Variants in DACH2 observed in about 807,000 individuals in gnomAD.
DACH2 encodes dachshund homolog 2.
DACH2 carries 17 observed loss-of-function variants against 35.8 expected under a neutral mutation model. The ratio of observed to expected loss-of-function variants is 0.48; its 90% CI spans 0.33 to 0.71. DACH2 has a LOEUF of 0.71. Ranked by LOEUF, DACH2 falls within the 30% of genes least tolerant of loss-of-function variation. The probability of loss-of-function intolerance (pLI) is 0.02; values close to 1 mark genes in which losing one functional copy is unlikely to be tolerated. For missense variants in DACH2, 469 were observed against 472.7 expected (o/e 0.99, Z 0.07); for synonymous variants, 195 against 177.3 (o/e 1.10, Z -0.79).
chrX:86,345,661 AAAT>A (rs2035483910), intron 1 of DACH2, among the ~76,000 whole-genome samples: 1 of 112,178 alleles, frequency 8.9e-6, no homozygotes, highest in African/African-American at 3.2e-5. Context: ...ATTTTTTAGT[AAAT>A]ATAACGGACC....
intron 3 of DACH2, among the ~76,000 whole-genome samples, chrX:86,641,112 G>A (rs1199016179): frequency 8.9e-6 from 1 of 111,753 alleles, no homozygotes; most frequent in African/African-American, 3.3e-5. Flanking sequence ...AAACTGCCTG[G>A]AATAACAGAA....
intron 3 of DACH2, among the ~76,000 whole-genome samples, chrX:86,644,443 C>T (rs2040389611): frequency 9.2e-6 from 1 of 108,873 alleles, no homozygotes; most frequent in East Asian, 3.0e-4. Context: ...GATGGAAAAA[C>T]ATTCCTTGCC....
chrX:86,232,969 A>G (rs1466998814), intron 1 of DACH2, among the ~76,000 whole-genome samples: 1 of 112,421 alleles, frequency 8.9e-6, no homozygotes, highest in East Asian at 2.8e-4. Flanking sequence ...AGACTGGATA[A>G]AGAAAATGTA....
chrX:86,386,050 C>T (rs974367823), intron 2 of DACH2, among the ~76,000 whole-genome samples: 1 of 111,765 alleles, frequency 8.9e-6, no homozygotes, highest in Non-Finnish European at 1.9e-5. Flanking sequence ...TAAGTTTATA[C>T]TTTACTCATA....
At chrX:86,307,416 C>T (rs1409973420) in intron 1 of DACH2, among the ~76,000 whole-genome samples, 4 of 111,873 alleles carry the variant, frequency 3.6e-5, no homozygotes, top group African/African-American at 1.3e-4. Context: ...GGCCCTGCAA[C>T]TTGGAATGGG....
chrX:86,527,240 A>G (rs1340028021), intron 3 of DACH2, among the ~76,000 whole-genome samples: 1 of 111,820 alleles, frequency 8.9e-6, no homozygotes, highest in Non-Finnish European at 1.9e-5. Context: ...TAAATTGTAC[A>G]TAGAAAGTAC....
intron 1 of DACH2, among the ~76,000 whole-genome samples, chrX:86,324,604 C>T (rs2097475): frequency 2.6e-5 from 2 of 77,369 alleles, no homozygotes; most frequent in Non-Finnish European, 4.7e-5. Context: ...TTTGAGATGG[C>T]GTCTCACTCT....
intron 3 of DACH2, among the ~76,000 whole-genome samples, chrX:86,635,037 T>A (rs1455976955): frequency 9.1e-6 from 1 of 110,030 alleles, no homozygotes; most frequent in Non-Finnish European, 1.9e-5. Flanking sequence ...ATTATCCTGA[T>A]GCCAAAACCT....
At chrX:86,395,303 T>G (rs1230042737) in intron 2 of DACH2, among the ~76,000 whole-genome samples, 1 of 111,872 alleles carries the variant, frequency 8.9e-6, no homozygotes, top group Admixed American at 9.5e-5. Flanking sequence ...TTGTACATAA[T>G]TAATGAAGTT....
chrX:86,624,048 AAAAAAACAAAAC>A (rs1172348217), intron 3 of DACH2, among the ~76,000 whole-genome samples: 34 of 78,170 alleles, frequency 4.3e-4, no homozygotes, highest in Middle Eastern at 5.5e-3. Context: ...ACTCCGTCTC[AAAAAAACAAAAC>A]AAAAAAAAAA....
At chrX:86,601,333 G>A (rs2039786648) in intron 3 of DACH2, among the ~76,000 whole-genome samples, 1 of 111,729 alleles carries the variant, frequency 9.0e-6, no homozygotes, top group African/African-American at 3.2e-5. Flanking sequence ...TCTGTAGGAA[G>A]CTGTTAAATA....
At chrX:86,607,757 A>G (rs1390637760) in intron 3 of DACH2, among the ~76,000 whole-genome samples, 3 of 63,109 alleles carry the variant, frequency 4.8e-5, no homozygotes, top group African/African-American at 1.9e-4. Context: ...CCCCCACCCC[A>G]CAACAGTCCC....
intron 2 of DACH2, among the ~76,000 whole-genome samples, chrX:86,401,527 T>C (rs987143587): frequency 2.7e-5 from 3 of 111,750 alleles, no homozygotes; most frequent in Non-Finnish European, 3.8e-5. Flanking sequence ...GCTCCACCTA[T>C]ATATTATATT....
intron 2 of DACH2, among the ~76,000 whole-genome samples, chrX:86,399,283 A>G (rs1484612864): frequency 9.0e-6 from 1 of 111,407 alleles, no homozygotes; most frequent in Non-Finnish European, 1.9e-5. Context: ...GTCTCTGCAC[A>G]TGAGATGAGT....
At chrX:86,403,985 T>C (rs1218325502) in intron 2 of DACH2, among the ~76,000 whole-genome samples, 1 of 110,005 alleles carries the variant, frequency 9.1e-6, no homozygotes. Flanking sequence ...GGCAAAGTTT[T>C]TTTTTTTTTA....
chrX:86,760,964 G>A (rs768105227), intron 7 of DACH2, among the ~76,000 whole-genome samples: 7 of 111,456 alleles, frequency 6.3e-5, no homozygotes, highest in Non-Finnish European at 1.1e-4. Context: ...CAGTAGTGTA[G>A]TTTCTGTGTG....
chrX:86,313,659 G>T (rs2034842656), intron 1 of DACH2, among the ~76,000 whole-genome samples: 1 of 111,528 alleles, frequency 9.0e-6, no homozygotes, highest in Non-Finnish European at 1.9e-5. Context: ...TTAATACATG[G>T]GTCTTTACAC....
intron 1 of DACH2, among the ~76,000 whole-genome samples, chrX:86,181,107 C>A (rs190887785): frequency 0.033 from 3,619 of 110,413 alleles, 144 homozygotes; most frequent in African/African-American, 0.11. Flanking sequence ...ATTAAAAAAA[C>A]CCCTAAAGAA....
At chrX:86,502,766 G>A (rs555882225) in intron 2 of DACH2, among the ~76,000 whole-genome samples, 1 of 112,132 alleles carries the variant, frequency 8.9e-6, no homozygotes, top group Non-Finnish European at 1.9e-5. Flanking sequence ...TACATACACC[G>A]AGCTTGTCCA....
Sources: gnomAD v4.1 joint callset for allele counts (sites outside exome capture counted in the v4.1 genomes callset) on GRCh38, gnomAD v4.1.1 for gene constraint, MANE v1.5 for transcripts, NCBI Gene and HGNC (gene_info 2026-07-23, HGNC 2026-07-21) for gene names.